ZNF17: variants seen among roughly 807,000 people sequenced by gnomAD.
The protein encoded by ZNF17 is zinc finger protein 17 (HPF3, KOX 10).
Under a neutral mutation model 7.7 loss-of-function variants are expected in ZNF17, and 4 were observed. The ratio of observed to expected loss-of-function variants is 0.52; its 90% CI spans 0.26 to 1.20. ZNF17 has a LOEUF of 1.20. Ranked by LOEUF, ZNF17 falls within the 50% of genes most tolerant of loss-of-function variation. The pLI, the probability that ZNF17 is intolerant of heterozygous loss-of-function variation, is 0.14. For synonymous variants in ZNF17, 249 were observed against 258.8 expected (o/e 0.96, Z 0.36); for missense variants, 738 against 799.5 (o/e 0.92, Z 0.93).
At chr19:57,419,514 A>G (rs2088833053) in intron 3 of ZNF17, 121 bp from the exon 4 acceptor site, 1 of 1,102,428 alleles carries the variant, frequency 9.1e-7, no homozygotes, top group African/African-American at 1.6e-5. Context: ...ACTGGCTTTA[A>G]TGTCCCATGC....
intron 1 of ZNF17, chr19:57,411,623 C>G (rs558296469): frequency 1.8e-5 from 25 of 1,367,686 alleles, no homozygotes; most frequent in Admixed American, 6.1e-5. Flanking sequence ...CTGGGGAGCC[C>G]GAGCGTCTTT....
Position 57,420,779 on chromosome 19 carries a change from CATT to C in ZNF17, c.1297_1299del (p.Ile433del). 3.1e-6 allele frequency: 5 copies of C among 1,613,382 alleles called. No homozygotes were observed. In the South Asian group the frequency reaches 3.3e-5, roughly 11 times the overall value. ...AGTTCTTTATGGACACTTCCACACT[CATT>C]ATTCATCAGAGAGTTCATACTGGAG... On this transcript the variant is annotated inframe_deletion, in exon 4 of 4. Coordinates refer to ENST00000307658, the MANE Select transcript of ZNF17 (RefSeq NM_001330617.2).
At chr19:57,416,947 G>T (rs116969157) in intron 2 of ZNF17, among the ~76,000 whole-genome samples, 4,654 of 152,304 alleles carry the variant, frequency 0.031, 98 homozygotes, top group South Asian at 0.063. Context: ...TCCTTCAGAA[G>T]TGGGTGGAGG....
At chr19:57,417,141 G>T (rs1316843398) in intron 2 of ZNF17, among the ~76,000 whole-genome samples, 1 of 152,096 alleles carries the variant, frequency 6.6e-6, no homozygotes, top group Non-Finnish European at 1.5e-5. Context: ...TGGATGAAAT[G>T]ATTTTTATTC....
rs1208268560 is a variant in ZNF17 at position 57,419,739 on chromosome 19, G to A, written c.253G>A (p.Ala85Thr). ...TLKPALSTQK[A>T]QPCETCSSLL... ...AAAGCCAGCTTTGTCCACCCAGAAG[G>A]CCCAGCCCTGTGAGACATGTAGCTC... Residue 85 changes from alanine to threonine, a missense_variant, in exon 4 of 4, where the codon GCC becomes ACC. Transcript: ENST00000307658. 6.2e-7 allele frequency: 1 copy of A among 1,614,130 alleles called. No homozygotes were observed. The highest frequency in any genetic ancestry group is 1.3e-5 in the African/African-American group (1 of 75,008).
rs2088851301 is a variant in ZNF17 at position 57,421,405 on chromosome 19, A to G, written c.1919A>G (p.Tyr640Cys). The G allele has an allele frequency of 1.9e-6, 3 of 1,614,202 alleles. No individual in the cohort carries two copies. In the East Asian group the frequency reaches 6.7e-5, roughly 36 times the overall value. ...AGAATTCACACTGGAGAGAGACCTT[A>G]TCAGTGCAGTGAATGTGGAAGAGTC... is the stretch of plus-strand genomic sequence containing the variant. ...HRRIHTGERP[Y>C]QCSECGRVFN... Residue 640 changes from tyrosine to cysteine, a missense_variant, in exon 4 of 4, where the codon TAT becomes TGT. Tyr to Cys is a radical substitution (Grantham distance 194). Around this residue, in one of 3 missense-constraint regions of ZNF17, gnomAD observed 116 missense variants for 114.0 expected, o/e 1.02. Coordinates refer to ENST00000307658, the MANE Select transcript of ZNF17 (RefSeq NM_001330617.2).
In ZNF17 at chr19:57,418,033, C is replaced by T. The variant is rs756992638; in HGVS notation, c.143C>T (p.Ser48Leu). ...VMLENFALLS[S>L]VGCWHGAKDE... ...CTGGAGAACTTTGCACTTTTGTCCT[C>T]AGTAGGTAAGGCCCTGACACCTACG... The change falls in exon 3 of 4, where the codon TCA becomes TTA. Residue 48 changes from serine to leucine, a missense_variant. Physicochemically the swap from Ser to Leu is moderately radical, Grantham distance 145. Around this residue, in one of 3 missense-constraint regions of ZNF17, gnomAD observed 616 missense variants for 663.9 expected, o/e 0.93. Coordinates refer to ENST00000307658, the MANE Select transcript of ZNF17 (RefSeq NM_001330617.2). 3 of 1,613,372 alleles carry T rather than the reference C, an allele frequency of 1.9e-6. No homozygotes were observed. The South Asian group carries it at 3.3e-5, about 18-fold the overall frequency.
chr19:57,419,735 GA>G lies in ZNF17; in HGVS notation c.251del (p.Lys84ArgfsTer12). 5 of 1,614,170 alleles carry G rather than the reference GA, an allele frequency of 3.1e-6. No homozygotes were observed. The highest frequency in any genetic ancestry group is 2.5e-6 in the Non-Finnish European group (3 of 1,180,026). ...CTTTAAAGCCAGCTTTGTCCACCCAGAAGGCCCAGCCCTGTGAGACATGTAG... is the reference window on the plus strand; with the variant it reads ...CTTTAAAGCCAGCTTTGTCCACCCAGAGGCCCAGCCCTGTGAGACATGTAG... Reference protein sequence around the residue: ...TTLKPALSTQKAQPCETCSSL... With the variant: ...TTLKPALSTQXAQPCETCSSL... On this transcript the variant is annotated frameshift_variant, in exon 4 of 4. Transcript: ENST00000307658. LOFTEE classifies it low-confidence loss of function (END_TRUNC).
rs59864268 is a variant in ZNF17, at chr19:57,411,169, T to G, written c.-258T>G. On this transcript the variant is annotated 5_prime_UTR_variant, in exon 1 of 4. Transcript: ENST00000307658. ...TGTGGGCGGGACTTCCTGCAACGCC[T>G]CCTGGGGTTGTCAATATGGCTGCGT... 1.4e-5 allele frequency: 8 copies of G among 580,072 alleles called. No homozygotes were observed. Among genetic ancestry groups the G allele is most frequent in the East Asian group, 3.1e-5 (1 of 32,654 alleles). The allele number at this position is 580,072 out of a possible 1,614,324, so 35.9% of individuals were successfully genotyped here.
At chr19:57,413,023 A>C (rs888196922) in intron 1 of ZNF17, among the ~76,000 whole-genome samples, 2 of 151,894 alleles carry the variant, frequency 1.3e-5, no homozygotes, top group African/African-American at 4.8e-5. Flanking sequence ...GATTACAGAC[A>C]TGCGCCACCA....
intron 2 of ZNF17, among the ~76,000 whole-genome samples, chr19:57,416,464 T>A (rs554019621): frequency 2.0e-5 from 3 of 151,900 alleles, no homozygotes; most frequent in African/African-American, 2.4e-5. Context: ...TCTAGGGAAA[T>A]TGAGTGACAA....
chr19:57,418,072 C>G, intron 3 of ZNF17, 34 bp downstream of exon 3: 1 of 1,590,936 alleles, frequency 6.3e-7, no homozygotes, highest in Non-Finnish European at 8.6e-7. Flanking sequence ...GTGTCTTGTG[C>G]TGGGCAATGT....
At position 57,419,677 on chromosome 19, in the gene ZNF17, A is replaced by T. The variant is rs1156443837; in HGVS notation, c.191A>T (p.Gln64Leu). 1 of 1,613,912 alleles carries T rather than the reference A, an allele frequency of 6.2e-7. No individual in the cohort carries two copies. The highest frequency in any genetic ancestry group is 2.2e-5 in the East Asian group (1 of 44,892). Residue 64 changes from glutamine to leucine, a missense_variant, in exon 4 of 4, where the codon CAA (glutamine) becomes CTA (leucine). This residue lies in a region of ZNF17 where 616 missense variants were observed against 663.9 expected (regional missense o/e 0.93). Coordinates refer to ENST00000307658, the MANE Select transcript of ZNF17 (RefSeq NM_001330617.2). Reference protein sequence around the residue: ...GAKDEEAPSKQCVSVGVSQVT... With the variant: ...GAKDEEAPSKLCVSVGVSQVT... ...AAGGATGAGGAGGCACCTTCCAAGC[A>T]ATGTGTTTCTGTAGGAGTGTCACAG...
intron 2 of ZNF17, among the ~76,000 whole-genome samples, chr19:57,416,891 G>T (rs2088814517): frequency 6.6e-6 from 1 of 152,152 alleles, no homozygotes; most frequent in Non-Finnish European, 1.5e-5. Flanking sequence ...CAGTGGCAAT[G>T]AGGGGAGAGC....
chr19:57,413,716 A>G, intron 2 of ZNF17, 80 bp downstream of exon 2: 2 of 1,493,422 alleles, frequency 1.3e-6, no homozygotes, highest in Non-Finnish European at 1.8e-6. Context: ...TTATCCTGAG[A>G]CTGTTCACCT....
intron 2 of ZNF17, among the ~76,000 whole-genome samples, chr19:57,414,025 G>A (rs567004644): frequency 1.3e-5 from 2 of 152,104 alleles, no homozygotes; most frequent in Admixed American, 1.3e-4. Context: ...GGTTGTCTAG[G>A]TTTTTGTTTT....
chr19:57,413,664 C>T, intron 2 of ZNF17, 28 bp downstream of exon 2: 2 of 1,535,908 alleles, frequency 1.3e-6, no homozygotes, highest in Non-Finnish European at 1.7e-6. Flanking sequence ...CCAGCTTTCA[C>T]CCATCCCAGA....
chr19:57,415,513 C>T (rs2088806356), intron 2 of ZNF17, among the ~76,000 whole-genome samples: 3 of 151,980 alleles, frequency 2.0e-5, no homozygotes, highest in Admixed American at 2.0e-4. Context: ...CATGGTAAAT[C>T]TGTGGGTCAG....
At chr19:57,412,620 A>G (rs529982015) in intron 1 of ZNF17, among the ~76,000 whole-genome samples, 1 of 151,306 alleles carries the variant, frequency 6.6e-6, no homozygotes, top group East Asian at 2.0e-4. Context: ...AATTTTTTGC[A>G]TTTTTAGTAG....
Sources: gnomAD v4.1 joint callset for allele counts (sites outside exome capture counted in the v4.1 genomes callset) on GRCh38, gnomAD v4.1.1 for gene constraint, gnomAD v4.1.1 regional missense constraint, MANE v1.5 for transcripts, NCBI Gene and HGNC (gene_info 2026-07-23, HGNC 2026-07-21) for gene names.